CRPPA: variants seen among roughly 807,000 people sequenced by gnomAD.
CRPPA encodes the protein CDP-L-ribitol pyrophosphorylase A.
In CRPPA, 43 loss-of-function variants were observed where a neutral mutation model predicts 52.0. The observed-to-expected ratio is 0.83, with a 90% CI of 0.65 to 1.07. The LOEUF (loss-of-function observed/expected upper bound fraction) is 1.07, where lower values mean the gene tolerates loss of function less well. CRPPA is among the 50% of genes least tolerant of loss of function. CRPPA has a pLI of 0.00. For synonymous variants in CRPPA, 250 were observed against 203.5 expected, an observed-to-expected ratio of 1.23 and a Z score of -1.94; for missense variants, 629 against 551.7, an observed-to-expected ratio of 1.14 and a Z score of -1.40.
At chr7:16,096,963 T>A (rs922765911) in intron 9 of CRPPA, among the ~76,000 whole-genome samples, 2 of 152,182 alleles carry the variant, frequency 1.3e-5, no homozygotes, top group African/African-American at 4.8e-5. Flanking sequence ...ATGAACACAT[T>A]TTATTCTTGG....
chr7:16,309,637 C>A (rs1784992538), intron 3 of CRPPA, among the ~76,000 whole-genome samples: 1 of 151,626 alleles, frequency 6.6e-6, no homozygotes, highest in South Asian at 2.1e-4. Flanking sequence ...AGACAGAGTT[C>A]TTGCTCTGTC....
chr7:16,271,622 T>A (rs1014352993), intron 6 of CRPPA, among the ~76,000 whole-genome samples: 2 of 152,174 alleles, frequency 1.3e-5, no homozygotes, highest in African/African-American at 4.8e-5. Context: ...TTACTTCTGG[T>A]TTGTTCTTTA....
At chr7:16,305,992 T>C (rs1470219059) in intron 4 of CRPPA, among the ~76,000 whole-genome samples, 2 of 152,220 alleles carry the variant, frequency 1.3e-5, no homozygotes, top group Non-Finnish European at 2.9e-5. Flanking sequence ...CTTTCCAGCC[T>C]CTTCCTAGCT....
At chr7:16,411,432 G>A (rs915102476) in intron 1 of CRPPA, among the ~76,000 whole-genome samples, 10 of 151,998 alleles carry the variant, frequency 6.6e-5, no homozygotes, top group African/African-American at 1.2e-4. Context: ...GTTGAAACAC[G>A]TAATATTCCT....
intron 9 of CRPPA, among the ~76,000 whole-genome samples, chr7:16,215,643 C>T (rs1406376708): frequency 2.0e-5 from 3 of 152,130 alleles, no homozygotes; most frequent in Non-Finnish European, 4.4e-5. Flanking sequence ...AGTAAATAAT[C>T]TTAAATTACA....
intron 2 of CRPPA, among the ~76,000 whole-genome samples, chr7:16,385,618 A>T (rs1473982693): frequency 6.6e-6 from 1 of 152,122 alleles, no homozygotes; most frequent in African/African-American, 2.4e-5. Context: ...AAGTAGCAAC[A>T]AATGTTCAGC....
chr7:16,238,963 C>T (rs546849204), intron 8 of CRPPA, among the ~76,000 whole-genome samples: 110 of 151,974 alleles, frequency 7.2e-4, no homozygotes, highest in African/African-American at 2.3e-3. Flanking sequence ...AATGGTGAAA[C>T]CCCGTCTCTA....
intron 5 of CRPPA, among the ~76,000 whole-genome samples, chr7:16,294,363 T>A (rs758516868): frequency 6.6e-6 from 1 of 152,000 alleles, no homozygotes; most frequent in African/African-American, 2.4e-5. Context: ...TACTTGTATA[T>A]GCTTAAATTA....
At chr7:16,263,268 G>A (rs546118564) in intron 6 of CRPPA, among the ~76,000 whole-genome samples, 1 of 152,034 alleles carries the variant, frequency 6.6e-6, no homozygotes, top group Admixed American at 6.5e-5. Context: ...TCAAATCCTA[G>A]CCACCCATTC....
chr7:16,174,668 T>C (rs1781258383), intron 9 of CRPPA, among the ~76,000 whole-genome samples: 1 of 152,150 alleles, frequency 6.6e-6, no homozygotes, highest in African/African-American at 2.4e-5. Context: ...AGAAAGTACC[T>C]AATCAACTAC....
chr7:16,281,727 T>C (rs1410561611), intron 5 of CRPPA, among the ~76,000 whole-genome samples: 2 of 152,296 alleles, frequency 1.3e-5, no homozygotes, highest in East Asian at 3.9e-4. Flanking sequence ...AACTGCTTCT[T>C]TGTGGGAGAG....
intron 3 of CRPPA, among the ~76,000 whole-genome samples, chr7:16,311,132 G>A (rs1785026002): frequency 6.6e-6 from 1 of 152,000 alleles, no homozygotes; most frequent in African/African-American, 2.4e-5. Flanking sequence ...TTGAAACCTT[G>A]TAAACATAGT....
chr7:16,217,444 T>C (rs1159379570), intron 8 of CRPPA, among the ~76,000 whole-genome samples: 1 of 146,758 alleles, frequency 6.8e-6, no homozygotes, highest in African/African-American at 2.5e-5. Flanking sequence ...GGATGGAGAA[T>C]GACTTTGACG....
intron 9 of CRPPA, among the ~76,000 whole-genome samples, chr7:16,185,663 G>A (rs1748357417): frequency 1.3e-5 from 2 of 152,254 alleles, no homozygotes; most frequent in East Asian, 1.9e-4. Flanking sequence ...ATTGCAATAT[G>A]AGAACCACTT....
intron 8 of CRPPA, chr7:16,237,456 AT>A (rs1415300572): frequency 6.6e-6 from 1 of 152,058 alleles, no homozygotes; most frequent in African/African-American, 2.4e-5. Context: ...CATTAATCTC[AT>A]TGATGAGGGC....
chr7:16,269,771 C>G (rs1784048599), intron 6 of CRPPA: 1 of 152,140 alleles, frequency 6.6e-6, no homozygotes, highest in Non-Finnish European at 1.5e-5. Flanking sequence ...ATAACCTACT[C>G]TGTGGCATTG....
At chr7:16,277,661 T>C (rs1226594005) in intron 6 of CRPPA, among the ~76,000 whole-genome samples, 1 of 152,174 alleles carries the variant, frequency 6.6e-6, no homozygotes, top group East Asian at 1.9e-4. Flanking sequence ...CTAGCCCTAA[T>C]ATTAGATATG....
chr7:16,356,289 T>G (rs1455823282), intron 3 of CRPPA, among the ~76,000 whole-genome samples: 24 of 152,210 alleles, frequency 1.6e-4, no homozygotes, highest in Admixed American at 1.6e-3. Flanking sequence ...CCTTCTTTCT[T>G]GGGTAAAATA....
At chr7:16,179,241 C>G (rs1047499584) in intron 9 of CRPPA, among the ~76,000 whole-genome samples, 4 of 151,912 alleles carry the variant, frequency 2.6e-5, no homozygotes, top group African/African-American at 9.7e-5. Context: ...GGCATTCTAT[C>G]CTATAAAAAT....
Sources: gnomAD v4.1 joint callset for allele counts (sites outside exome capture counted in the v4.1 genomes callset) on GRCh38, gnomAD v4.1.1 for gene constraint, MANE v1.5 for transcripts, NCBI Gene and HGNC (gene_info 2026-07-23, HGNC 2026-07-21) for gene names.